The following ARL6IP6 variants were observed in gnomAD, a reference collection of about 807,000 sequenced individuals.
The protein encoded by ARL6IP6 is ARF like GTPase 6 interacting protein 6.
Under a neutral mutation model 21.5 loss-of-function variants are expected in ARL6IP6, and 22 were observed. The observed-to-expected ratio is 1.02, with a 90% CI of 0.73 to 1.46. The LOEUF (loss-of-function observed/expected upper bound fraction) is 1.46, where lower values mean the gene tolerates loss of function less well. ARL6IP6 is among the 40% of genes most tolerant of loss of function. The pLI is 0.00. For missense variants in ARL6IP6, 388 were observed against 299.8 expected (o/e 1.29, Z -2.17); for synonymous variants, 164 against 125.3 (o/e 1.31, Z -2.06).
rs1701837614 is a variant in ARL6IP6 at position 152,761,361 on chromosome 2, T to A, written c.*1521T>A. The A allele has an allele frequency of 6.6e-6, 1 of 152,108 alleles. No homozygotes were observed. Among genetic ancestry groups the A allele is most frequent in the African/African-American group, 2.4e-5 (1 of 41,422 alleles). The allele number at this position is 152,108 out of a possible 1,614,324, so 9.4% of individuals were successfully genotyped here. A position where few individuals can be genotyped will look rare whatever the true frequency, so the allele number is the denominator to read the frequency against. ...CTCCCTGCCTTCCTTCCTGCACGCT[T>A]AAACTCTTCACCCTTTGACTCCAAA... On this transcript the variant is annotated 3_prime_UTR_variant, in exon 4 of 4. Transcript: ENST00000326446.
At position 152,760,527 on chromosome 2, in the gene ARL6IP6, T is replaced by C. The variant is rs1378703033; in HGVS notation, c.*687T>C. On this transcript the variant is annotated 3_prime_UTR_variant, in exon 4 of 4. Transcript: ENST00000326446. The stretch of plus-strand genomic sequence containing the variant: ...ACCTAGTACCTGCCATTTTTACTAA[T>C]TTTTGTCTTTAAAAAAAGCAAAAAA... 2 of 152,026 alleles carry C rather than the reference T, an allele frequency of 1.3e-5. No homozygotes were observed. The highest frequency in any genetic ancestry group is 2.4e-5 in the African/African-American group (1 of 41,428). 9.4% of individuals were successfully genotyped at this position (152,026 alleles called of 1,614,324 possible).
intron 2 of ARL6IP6, among the ~76,000 whole-genome samples, chr2:152,733,932 A>G (rs1324831207): frequency 6.6e-6 from 1 of 152,152 alleles, no homozygotes; most frequent in Non-Finnish European, 1.5e-5. Flanking sequence ...TAGCCCCTCA[A>G]TATAGATTGA....
At chr2:152,721,424 G>A in intron 2 of ARL6IP6, among the ~76,000 whole-genome samples, 1 of 152,044 alleles carries the variant, frequency 6.6e-6, no homozygotes, top group East Asian at 1.9e-4. Context: ...AGTTTCTGCA[G>A]TGTCTGTAGA....
At position 152,762,251 on chromosome 2, in the gene ARL6IP6, G is replaced by A. The variant is rs912480977; in HGVS notation, c.*2411G>A. ...GCAAGCCCAGGAAATGCTGGCAGCT[G>A]TAGTTCAGCCAGGCTCAGTGGGAAA... is the stretch of plus-strand genomic sequence containing the variant. On this transcript the variant is annotated 3_prime_UTR_variant, in exon 4 of 4. Coordinates refer to ENST00000326446, the MANE Select transcript of ARL6IP6 (RefSeq NM_152522.7). 1.3e-5 allele frequency among the ~76,000 whole-genome samples: 2 copies of A among 152,208 alleles called. No homozygotes were observed. The highest frequency in any genetic ancestry group is 2.9e-5 in the Non-Finnish European group (2 of 68,046).
At chr2:152,729,841 A>C (rs1237429802) in intron 2 of ARL6IP6, among the ~76,000 whole-genome samples, 1 of 152,150 alleles carries the variant, frequency 6.6e-6, no homozygotes, top group Non-Finnish European at 1.5e-5. Context: ...TGAGGAAGGA[A>C]GAATTTCATT....
rs533310319 is a variant in ARL6IP6 at position 152,755,195 on chromosome 2, C to T, written c.588-4552C>T. Among the ~76,000 whole-genome samples, 339 of 152,282 alleles carry T rather than the reference C, an allele frequency of 2.2e-3. 1 individual carries two copies. The highest frequency in any genetic ancestry group is 0.01 in the South Asian group (50 of 4,828). On this transcript the variant is annotated intron_variant, in intron 3 of 3. Transcript: ENST00000326446. ...GCCACCAGAGGGCTCCTTGGTCTAG[C>T]GGTAACGCCAGCATCTGCGAAGACA...
intron 3 of ARL6IP6, among the ~76,000 whole-genome samples, chr2:152,739,733 C>T (rs55986999): frequency 0.057 from 8,644 of 152,310 alleles, 334 homozygotes; most frequent in East Asian, 0.14. Flanking sequence ...AATCTGTTCT[C>T]ACACTGTTAA....
chr2:152,745,787 C>T (rs551731243), intron 3 of ARL6IP6, among the ~76,000 whole-genome samples: 3 of 152,222 alleles, frequency 2.0e-5, no homozygotes, highest in African/African-American at 7.2e-5. Context: ...CCATCAATTA[C>T]AGTGCTGTCA....
chr2:152,718,867 C>T lies in ARL6IP6; in HGVS notation c.243C>T (p.Pro81=). The change falls in exon 1 of 4, where the codon CCC becomes CCT. Residue 81 remains proline (P), a synonymous_variant. Coordinates refer to ENST00000326446, the MANE Select transcript of ARL6IP6 (RefSeq NM_152522.7). ...TCCCGCCGGACGGGAACGGGTCGCC[C>T]GTTCTGCCCGATAAGCGCAATGGTA... ...SVLPPDGNGS[P]VLPDKRNGIF... 5 of 1,613,522 alleles carry T rather than the reference C, an allele frequency of 3.1e-6. No individual in the cohort carries two copies. Among genetic ancestry groups the T allele is most frequent in the East Asian group, 2.2e-5 (1 of 44,838 alleles).
chr2:152,718,468 T>G, upstream of ARL6IP6: 1 of 1,085,070 alleles, frequency 9.2e-7, no homozygotes, highest in East Asian at 2.9e-5. Context: ...CCCTGCGGCT[T>G]CCTTTGCAAC....
At chr2:152,740,500 G>A (rs1474508908) in intron 3 of ARL6IP6, among the ~76,000 whole-genome samples, 10 of 149,832 alleles carry the variant, frequency 6.7e-5, no homozygotes, top group Non-Finnish European at 1.2e-4. Context: ...TAAAATATAT[G>A]TTGTGTATGC....
chr2:152,725,934 G>A (rs888826434), intron 2 of ARL6IP6, among the ~76,000 whole-genome samples: 4 of 151,864 alleles, frequency 2.6e-5, no homozygotes, highest in African/African-American at 9.7e-5. Flanking sequence ...TGAAAATAAA[G>A]GAAATAAAAA....
chr2:152,719,057 G>A, intron 1 of ARL6IP6, 33 bp downstream of exon 1: 1 of 1,481,280 alleles, frequency 6.8e-7, no homozygotes, highest in Non-Finnish European at 8.9e-7. Flanking sequence ...AGTCTGTCCA[G>A]AGTAAAGTTG....
At chr2:152,732,558 C>T (rs1574032274) in intron 2 of ARL6IP6, 1 of 456,090 alleles carries the variant, frequency 2.2e-6, no homozygotes, top group Non-Finnish European at 4.5e-6. Flanking sequence ...AGGAAATTTT[C>T]CCTTATGCTG....
rs537749338 is a variant in ARL6IP6 at position 152,762,252 on chromosome 2, T to C, written c.*2412T>C. On this transcript the variant is annotated 3_prime_UTR_variant, in exon 4 of 4. Transcript: ENST00000326446. ...CAAGCCCAGGAAATGCTGGCAGCTG[T>C]AGTTCAGCCAGGCTCAGTGGGAAAG... Among the ~76,000 whole-genome samples the C allele has an allele frequency of 6.6e-6, 1 of 152,304 alleles. No individual in the cohort carries two copies. The highest frequency in any genetic ancestry group is 2.1e-4 in the South Asian group (1 of 4,824).
chr2:152,736,111 C>G (rs1700540104), intron 3 of ARL6IP6, among the ~76,000 whole-genome samples: 1 of 152,076 alleles, frequency 6.6e-6, no homozygotes, highest in Non-Finnish European at 1.5e-5. Context: ...AAATGTAAGT[C>G]ATATGCTTTC....
chr2:152,735,247 T>TGTTATTAGTGCTTTATA, intron 3 of ARL6IP6, 121 bp downstream of exon 3: 2 of 1,033,784 alleles, frequency 1.9e-6, no homozygotes, highest in African/African-American at 1.6e-5. Context: ...TATAAAGCAC[T>TGTTATTAGTGCTTTATA]AATAACAGGA....
At chr2:152,721,450 G>T (rs1299467007) in intron 2 of ARL6IP6, among the ~76,000 whole-genome samples, 1 of 151,950 alleles carries the variant, frequency 6.6e-6, no homozygotes, top group Non-Finnish European at 1.5e-5. Flanking sequence ...GTAGTTCACA[G>T]GTTTCCAGTG....
At chr2:152,731,698 A>G (rs1421848062) in intron 2 of ARL6IP6, among the ~76,000 whole-genome samples, 3 of 152,178 alleles carry the variant, frequency 2.0e-5, no homozygotes, top group Non-Finnish European at 4.4e-5. Flanking sequence ...GTAAAAGAGT[A>G]TAGACTGAAA....
Sources: gnomAD v4.1 joint callset for allele counts (sites outside exome capture counted in the v4.1 genomes callset) on GRCh38, gnomAD v4.1.1 for gene constraint, MANE v1.5 for transcripts, NCBI Gene and HGNC (gene_info 2026-07-23, HGNC 2026-07-21) for gene names.